The following ST7 variants were observed in gnomAD, a reference collection of about 807,000 sequenced individuals.
ST7 encodes the protein suppressor of tumorigenicity 7 protein.
In ST7, 28 loss-of-function variants were observed where a neutral mutation model predicts 78.7. The ratio of observed to expected loss-of-function variants is 0.36; its 90% CI spans 0.26 to 0.49. The LOEUF is 0.49. Among genes scored for constraint, ST7 ranks in the 20% least tolerant of loss-of-function variants. ST7 has a pLI of 0.99. For missense variants in ST7, 418 were observed against 696.0 expected (o/e 0.60, Z 4.49); for synonymous variants, 247 against 249.6 (o/e 0.99, Z 0.10).
chr7:117,107,802 A>G (rs1802099813), intron 2 of ST7, among the ~76,000 whole-genome samples: 1 of 151,754 alleles, frequency 6.6e-6, no homozygotes. Flanking sequence ...TGTTAGAGAC[A>G]GGGTTTCACC....
At position 117,136,190 on chromosome 7, in the gene ST7, T is replaced by G; in HGVS notation, c.820T>G (p.Ser274Ala). ...GGCTGGAGATGGCTGTTACCGACGC[T>G]CTCAGCAGCTACAACATCATGGATC... ...LKAGDGCYRR[S>A]QQLQHHGSQY... The change falls in exon 8 of 16, where the codon TCT becomes GCT. Residue 274 changes from serine (S) to alanine (A), a missense_variant. Ser to Ala is a moderately conservative substitution (Grantham distance 99, BLOSUM62 1). This residue lies in a region of ST7 where 288 missense variants were observed against 537.1 expected (regional missense o/e 0.54). Coordinates refer to ENST00000323984, the MANE Select transcript of ST7 (RefSeq NM_001369598.1). 1 of 1,613,642 alleles carries G rather than the reference T, an allele frequency of 6.2e-7. No individual in the cohort carries two copies. Among genetic ancestry groups the G allele is most frequent in the Non-Finnish European group, 8.5e-7 (1 of 1,179,698 alleles).
In ST7 at chr7:117,136,103, T is replaced by C. The variant is rs376530689; in HGVS notation, c.733T>C (p.Leu245=). Residue 245 remains leucine, a synonymous_variant, in exon 8 of 16, where the codon TTG becomes CTG. Transcript: ENST00000323984. The part of the protein sequence containing the change: ...LPKCATAYIL[L]AEEEATTIAE... ...CAGGTGTGCAACTGCTTATATTCTC[T>C]TGGCTGAAGAGGAAGCAACAACCAT... 2.5e-6 allele frequency: 4 copies of C among 1,613,314 alleles called. No individual in the cohort carries two copies. The Admixed American group carries it at 6.7e-5, about 27-fold the overall frequency.
At chr7:117,189,272 CTT>C (rs772385769) in intron 10 of ST7, 47 bp from the exon 11 acceptor site, 9 of 1,414,254 alleles carry the variant, frequency 6.4e-6, no homozygotes, top group Non-Finnish European at 6.9e-6. Flanking sequence ...AATGATTGCT[CTT>C]TGTTACCTGC....
At chr7:117,150,634 CATT>C (rs1025306784) in intron 9 of ST7, among the ~76,000 whole-genome samples, 11 of 152,178 alleles carry the variant, frequency 7.2e-5, no homozygotes, top group Non-Finnish European at 1.3e-4. Flanking sequence ...CCTGGGCCTC[CATT>C]CTTCCCTGTG....
chr7:117,036,634 G>C (rs191828461), intron 1 of ST7, among the ~76,000 whole-genome samples: 2 of 152,270 alleles, frequency 1.3e-5, no homozygotes, highest in East Asian at 3.9e-4. Context: ...AAAAGAGAAA[G>C]GAAGCAGGGA....
chr7:117,163,998 A>G (rs1584498685), intron 9 of ST7, among the ~76,000 whole-genome samples: 1 of 152,202 alleles, frequency 6.6e-6, no homozygotes, highest in South Asian at 2.1e-4. Context: ...CATTCTTCAT[A>G]GAAATAGAAA....
At chr7:116,969,592 G>A (rs942107142) in intron 1 of ST7, among the ~76,000 whole-genome samples, 1 of 152,126 alleles carries the variant, frequency 6.6e-6, no homozygotes, top group South Asian at 2.1e-4. Context: ...GAAGGAGTTC[G>A]CTTTGCACAG....
At chr7:116,984,355 C>T (rs934222644) in intron 1 of ST7, among the ~76,000 whole-genome samples, 1 of 152,132 alleles carries the variant, frequency 6.6e-6, no homozygotes, top group African/African-American at 2.4e-5. Flanking sequence ...TAGACTAATA[C>T]AGGCTCTGTT....
Position 117,161,591 on chromosome 7 carries a change from C to CTTTTTTTT in ST7, c.964-9258_964-9251dup, listed in dbSNP as rs60505994. On this transcript the variant is annotated intron_variant, in intron 9 of 15. Transcript: ENST00000323984. ...TTTTTTCAGTTTGTTTTCTTTCTTT[C>CTTTTTTTT]TTTTTTTTTTTTTTTTTTTTCTTTC... 8.5e-4 allele frequency among the ~76,000 whole-genome samples: 96 copies of CTTTTTTTT among 113,586 alleles called. 1 individual carries two copies. The highest frequency in any genetic ancestry group is 1.5e-3 in the South Asian group (5 of 3,430). 74.5% of individuals were successfully genotyped at this position (113,586 alleles called of 152,430 possible).
chr7:117,178,464 T>C (rs38866), intron 10 of ST7, among the ~76,000 whole-genome samples: 19,146 of 152,204 alleles, frequency 0.13, 2,258 homozygotes, highest in African/African-American at 0.3. Context: ...CATCTCAACC[T>C]CTGTGTACTA....
chr7:117,167,598 C>T (rs1338178157), intron 9 of ST7, among the ~76,000 whole-genome samples: 1 of 151,756 alleles, frequency 6.6e-6, no homozygotes, highest in Non-Finnish European at 1.5e-5. Context: ...GAAGTCATCC[C>T]CATGGAGATG....
chr7:116,956,874 G>T, intron 1 of ST7: 1 of 349,132 alleles, frequency 2.9e-6, no homozygotes, highest in Non-Finnish European at 5.6e-6. Flanking sequence ...GCAAGATGGG[G>T]CTGGGCAAGG....
chr7:116,997,915 G>A (rs1168283982), intron 1 of ST7, among the ~76,000 whole-genome samples: 1 of 152,260 alleles, frequency 6.6e-6, no homozygotes, highest in African/African-American at 2.4e-5. Flanking sequence ...ACCAGACTCA[G>A]GAGCCCAGCT....
At chr7:117,083,742 C>A (rs1335921640) in intron 1 of ST7, among the ~76,000 whole-genome samples, 2 of 152,092 alleles carry the variant, frequency 1.3e-5, no homozygotes, top group South Asian at 2.1e-4. Flanking sequence ...GAAGCATATT[C>A]TCTTAATTCT....
chr7:117,049,342 A>G (rs1186076869), intron 1 of ST7, among the ~76,000 whole-genome samples: 1 of 152,142 alleles, frequency 6.6e-6, no homozygotes, highest in Non-Finnish European at 1.5e-5. Flanking sequence ...TATTTTCTTA[A>G]TGGCACCTGG....
At chr7:117,185,300 G>A (rs563517028) in intron 10 of ST7, among the ~76,000 whole-genome samples, 6 of 152,200 alleles carry the variant, frequency 3.9e-5, no homozygotes, top group South Asian at 2.1e-4. Flanking sequence ...CTGTGCTGTC[G>A]GTATCTGGCT....
intron 1 of ST7, among the ~76,000 whole-genome samples, chr7:117,097,129 C>T (rs896173344): frequency 1.3e-5 from 2 of 151,940 alleles, no homozygotes; most frequent in Non-Finnish European, 2.9e-5. Flanking sequence ...AATCTTTCCT[C>T]TCCATTGCTT....
intron 1 of ST7, 95 bp from the exon 2 acceptor site, chr7:117,099,667 A>G (rs1801416115): frequency 1.2e-6 from 1 of 822,870 alleles, no homozygotes; most frequent in Non-Finnish European, 1.9e-6. Flanking sequence ...TCAGAAATAA[A>G]TGATTTTACC....
chr7:116,959,234 C>T (rs145338255), intron 1 of ST7: 5,460 of 470,828 alleles, frequency 0.012, 46 homozygotes, highest in Non-Finnish European at 0.016. Context: ...GCTCTTTATC[C>T]GTTCAAGTTT....
Sources: gnomAD v4.1 joint callset for allele counts (sites outside exome capture counted in the v4.1 genomes callset) on GRCh38, gnomAD v4.1.1 for gene constraint, gnomAD v4.1.1 regional missense constraint, MANE v1.5 for transcripts, NCBI Gene and HGNC (gene_info 2026-07-23, HGNC 2026-07-21) for gene names.